RNF227: variants seen among roughly 807,000 people sequenced by gnomAD.
The protein encoded by RNF227 is long intergenic non-protein coding RNA 2581.
Under a neutral mutation model 4.9 loss-of-function variants are expected in RNF227, and 8 were observed. That is an observed-to-expected ratio of 1.65 (90% CI 0.97 to 2.98). The LOEUF (loss-of-function observed/expected upper bound fraction) is 2.98, where lower values mean the gene tolerates loss of function less well. Among genes scored for constraint, RNF227 ranks in the 30% most tolerant of loss-of-function variants. The pLI is 0.00. For synonymous variants in RNF227, 63 were observed against 28.1 expected (o/e 2.25, Z -3.94); for missense variants, 136 against 65.4 (o/e 2.08, Z -3.72).
rs2151710191 is a variant in RNF227, at chr17:7,916,025, C to T, written c.171G>A (p.Ala57=). 2.9e-6 allele frequency: 1 copy of T among 349,178 alleles called. No homozygotes were observed. The highest frequency in any genetic ancestry group is 4.3e-5 in the East Asian group (1 of 23,428). The allele number at this position is 349,178 out of a possible 1,614,324, so 21.6% of individuals were successfully genotyped here. A position where few individuals can be genotyped will look rare whatever the true frequency, so the allele number is the denominator to read the frequency against. ...CGGCCGCCCCGCCGCCGTCCCCGCG[C>T]GCCGCCAGCTCGCGGAGGCAGGCGG... ...ICTACLRELA[A]RGDGGGAAAR... The change falls in exon 1 of 2, where the codon GCG becomes GCA. Residue 57 remains alanine (A), a synonymous_variant. Coordinates refer to ENST00000324348, the MANE Select transcript of RNF227 (RefSeq NM_001358699.2).
At position 7,916,049 on chromosome 17, in the gene RNF227, G is replaced by T; in HGVS notation, c.147C>A (p.Thr49=). ...GCGCCGCCAGCTCGCGGAGGCAGGC[G>T]GTGCAGATCGTGTGGCCGCAGCGGG... ...ARARCGHTIC[T]ACLRELAARG... The change falls in exon 1 of 2, where the codon ACC becomes ACA. Residue 49 remains threonine, a synonymous_variant. Transcript: ENST00000324348. 2.7e-6 allele frequency: 1 copy of T among 366,504 alleles called. No individual in the cohort carries two copies. Among genetic ancestry groups the T allele is most frequent in the Non-Finnish European group, 4.9e-6 (1 of 205,796 alleles). The allele number at this position is 366,504 out of a possible 1,614,324, so 22.7% of individuals were successfully genotyped here. A position where few individuals can be genotyped will look rare whatever the true frequency, so the allele number is the denominator to read the frequency against.
In RNF227 at chr17:7,915,832, T is replaced by C. The variant is rs977192776; in HGVS notation, c.364A>G (p.Lys122Glu). The C allele has an allele frequency of 1.0e-5, 7 of 702,652 alleles. No homozygotes were observed. The African/African-American group carries it at 1.2e-4, about 12-fold the overall frequency. The allele number at this position is 702,652 out of a possible 1,614,324, so 43.5% of individuals were successfully genotyped here. The change falls in exon 1 of 2, where the codon AAG becomes GAG. Residue 122 changes from lysine to glutamate, a missense_variant. Coordinates refer to ENST00000324348, the MANE Select transcript of RNF227 (RefSeq NM_001358699.2). ...TCTCCGTCAGCGTCGCTGCTTTCCT[T>C]GGCCGGGTTCCCAGCCTCATCTCGT... Reference protein sequence around the residue: ...CERDEAGNPAKESSDADGEAE... With the variant: ...CERDEAGNPAEESSDADGEAE...
Position 7,916,125 on chromosome 17 carries a change from G to A in RNF227, c.71C>T (p.Pro24Leu). ...GGGCGCGCGGCACCCGAGGTTGAAA[G>A]GACGGTAGCAGATGTTGCAGTCCAG... ...GELDCNICYRPFNLGCRAPRR... is the reference protein window; with the variant it reads ...GELDCNICYRLFNLGCRAPRR... The change falls in exon 1 of 2, where the codon CCT (proline) becomes CTT (leucine). Residue 24 changes from proline to leucine, a missense_variant. Transcript: ENST00000324348. The A allele has an allele frequency of 2.5e-6, 1 of 396,724 alleles. No homozygotes were observed. The highest frequency in any genetic ancestry group is 4.4e-6 in the Non-Finnish European group (1 of 224,930). The allele number at this position is 396,724 out of a possible 1,614,324, so 24.6% of individuals were successfully genotyped here. A position where few individuals can be genotyped will look rare whatever the true frequency, so the allele number is the denominator to read the frequency against.
rs1327233470 is a variant in RNF227, at chr17:7,915,836, C to T, written c.360G>A (p.Pro120=). The T allele has an allele frequency of 1.4e-6, 1 of 702,776 alleles. No individual in the cohort carries two copies. Among genetic ancestry groups the T allele is most frequent in the East Asian group, 2.7e-5 (1 of 37,266 alleles). 43.5% of individuals were successfully genotyped at this position (702,776 alleles called of 1,614,324 possible). A position where few individuals can be genotyped will look rare whatever the true frequency, so the allele number is the denominator to read the frequency against. ...AKCERDEAGN[P]AKESSDADGE... The stretch of plus-strand genomic sequence containing the variant: ...CGTCAGCGTCGCTGCTTTCCTTGGC[C>T]GGGTTCCCAGCCTCATCTCGTTCGC... The change falls in exon 1 of 2, where the codon CCG becomes CCA. Residue 120 remains proline, a synonymous_variant. Coordinates refer to ENST00000324348, the MANE Select transcript of RNF227 (RefSeq NM_001358699.2).
At position 7,915,494 on chromosome 17, in the gene RNF227, C is replaced by T; in HGVS notation, c.*28G>A. On this transcript the variant is annotated 3_prime_UTR_variant, in exon 2 of 2. Coordinates refer to ENST00000324348, the MANE Select transcript of RNF227 (RefSeq NM_001358699.2). ...CCGCGAGGCTGCAGCTCCCACCTTCCTTCGGCTGTAGCTTCCGAGTTCCTC... is the reference window on the plus strand; with the variant it reads ...CCGCGAGGCTGCAGCTCCCACCTTCTTTCGGCTGTAGCTTCCGAGTTCCTC... 1.4e-6 allele frequency: 1 copy of T among 703,052 alleles called. No homozygotes were observed. The highest frequency in any genetic ancestry group is 2.6e-6 in the Non-Finnish European group (1 of 385,016). The allele number at this position is 703,052 out of a possible 1,614,324, so 43.6% of individuals were successfully genotyped here.
Position 7,915,710 on chromosome 17 carries a change from C to T in RNF227, c.486G>A (p.Ala162=), listed in dbSNP as rs1013690951. The change falls in exon 1 of 2, where the codon GCG becomes GCA. Residue 162 remains alanine, a synonymous_variant. Coordinates refer to ENST00000324348, the MANE Select transcript of RNF227 (RefSeq NM_001358699.2). ...RRLWDRVLGP[A]RRWRRPLPSN... is the part of the protein sequence containing the mutation. The stretch of plus-strand genomic sequence containing the variant: ...TAGGCAGCGGACGCCGCCAGCGCCG[C>T]GCAGGCCCCAGGACCCTGTCCCAGA... 3 of 701,650 alleles carry T rather than the reference C, an allele frequency of 4.3e-6. No individual in the cohort carries two copies. The highest frequency in any genetic ancestry group is 7.8e-6 in the Non-Finnish European group (3 of 384,226). 43.5% of individuals were successfully genotyped at this position (701,650 alleles called of 1,614,324 possible).
chr17:7,913,757 T>TA lies in RNF227; in HGVS notation c.*1764dup, dbSNP rs1442617922. 1.3e-5 allele frequency: 2 copies of TA among 152,242 alleles called. No individual in the cohort carries two copies. The highest frequency in any genetic ancestry group is 2.9e-5 in the Non-Finnish European group (2 of 68,038). 9.4% of individuals were successfully genotyped at this position (152,242 alleles called of 1,614,324 possible). Reference sequence around the variant, plus strand: ...ACATTTTTAACTAAGAGAAAAATGTTACATAGTAGGTTAGGATTTCTTTAG... The same window carrying TA: ...ACATTTTTAACTAAGAGAAAAATGTTAACATAGTAGGTTAGGATTTCTTTAG... On this transcript the variant is annotated 3_prime_UTR_variant, in exon 2 of 2. Transcript: ENST00000324348.
intron 1 of RNF227, 23 bp downstream of exon 1, chr17:7,915,656 A>C: frequency 2.8e-6 from 2 of 702,414 alleles, no homozygotes; most frequent in East Asian, 2.7e-5. Flanking sequence ...TCTCCCCTGC[A>C]TCCTCCCCGG....
In RNF227 at chr17:7,914,694, A is replaced by T. The variant is rs1447085565; in HGVS notation, c.*828T>A. 2.0e-5 allele frequency: 3 copies of T among 152,316 alleles called. No homozygotes were observed. In the East Asian group the frequency reaches 5.8e-4, roughly 29 times the overall value. 9.4% of individuals were successfully genotyped at this position (152,316 alleles called of 1,614,324 possible). ...TGACTTTATGGTCATAAGATACAGG[A>T]TTCTAAAATAGAATACATGGCATAT... On this transcript the variant is annotated 3_prime_UTR_variant, in exon 2 of 2. Coordinates refer to ENST00000324348, the MANE Select transcript of RNF227 (RefSeq NM_001358699.2).
In RNF227 at chr17:7,915,660, T is replaced by C. The variant is rs1446219231; in HGVS notation, c.517+19A>G. 1 of 701,858 alleles carries C rather than the reference T, an allele frequency of 1.4e-6. No homozygotes were observed. The highest frequency in any genetic ancestry group is 2.6e-6 in the Non-Finnish European group (1 of 384,186). The allele number at this position is 701,858 out of a possible 1,614,324, so 43.5% of individuals were successfully genotyped here. Reference sequence around the variant, plus strand: ...CCTCGGCGCTCTCTCCCCTGCATCCTCCCCGGGCAGCCCCTCACCGTTGCT... The same window carrying C: ...CCTCGGCGCTCTCTCCCCTGCATCCCCCCCGGGCAGCCCCTCACCGTTGCT... On this transcript the variant is annotated intron_variant, in intron 1 of 1. Transcript: ENST00000324348.
rs1391840612 is a variant in RNF227 at position 7,915,759 on chromosome 17, G to A, written c.437C>T (p.Ala146Val). The change falls in exon 1 of 2, where the codon GCT becomes GTT. Residue 146 changes from alanine (A) to valine (V), a missense_variant. Ala to Val is a moderately conservative substitution (Grantham distance 64). Coordinates refer to ENST00000324348, the MANE Select transcript of RNF227 (RefSeq NM_001358699.2). The stretch of plus-strand genomic sequence containing the variant: ...GAGCCGCCGGAGCGCGCGCCACCCA[G>A]CACTCCTAGGCCCCGCCCCCTTCTC... ...ESEKGAGPRS[A>V]GWRALRRLWD... 2 of 702,678 alleles carry A rather than the reference G, an allele frequency of 2.8e-6. No homozygotes were observed. The highest frequency in any genetic ancestry group is 1.5e-5 in the South Asian group (1 of 67,596). The allele number at this position is 702,678 out of a possible 1,614,324, so 43.5% of individuals were successfully genotyped here.
rs1971969908 is a variant in RNF227, at chr17:7,916,187, G to C, written c.9C>G (p.Leu3=). 2 of 394,622 alleles carry C rather than the reference G, an allele frequency of 5.1e-6. No individual in the cohort carries two copies. Among genetic ancestry groups the C allele is most frequent in the African/African-American group, 4.1e-5 (2 of 48,456 alleles). The allele number at this position is 394,622 out of a possible 1,614,324, so 24.4% of individuals were successfully genotyped here. A position where few individuals can be genotyped will look rare whatever the true frequency, so the allele number is the denominator to read the frequency against. ...CCGGAAGAGAGGGTACCCTCACCAA[G>C]AGCTGCATCGTGCCCGCCGCGGACT... MQ[L]LVRVPSLPER... is the part of the protein sequence containing the mutation. The change falls in exon 1 of 2, where the codon CTC becomes CTG. Residue 3 remains leucine (L), a synonymous_variant. Coordinates refer to ENST00000324348, the MANE Select transcript of RNF227 (RefSeq NM_001358699.2).
In RNF227 at chr17:7,915,207, C is replaced by A; in HGVS notation, c.*315G>T. The A allele has an allele frequency of 2.0e-6, 1 of 487,996 alleles. No individual in the cohort carries two copies. The highest frequency in any genetic ancestry group is 3.8e-6 in the Non-Finnish European group (1 of 265,642). The allele number at this position is 487,996 out of a possible 1,614,324, so 30.2% of individuals were successfully genotyped here. On this transcript the variant is annotated 3_prime_UTR_variant, in exon 2 of 2. Coordinates refer to ENST00000324348, the MANE Select transcript of RNF227 (RefSeq NM_001358699.2). ...CTGTTGCTCCCACACACCAGAGCCA[C>A]CCTGGACAAAAGCCAACGTCCCAGC...
In RNF227 at chr17:7,916,062, T is replaced by G; in HGVS notation, c.134A>C (p.His45Pro). ...GCGGAGGCAGGCGGTGCAGATCGTG[T>G]GGCCGCAGCGGGCGCGCGCCGTTCC... ...LPGTARARCG[H>P]TICTACLREL... The change falls in exon 1 of 2, where the codon CAC becomes CCC. Residue 45 changes from histidine (H) to proline (P), a missense_variant. Transcript: ENST00000324348. 1 of 374,522 alleles carries G rather than the reference T, an allele frequency of 2.7e-6. No individual in the cohort carries two copies. Among genetic ancestry groups the G allele is most frequent in the Non-Finnish European group, 4.7e-6 (1 of 211,372 alleles). The allele number at this position is 374,522 out of a possible 1,614,324, so 23.2% of individuals were successfully genotyped here. A position where few individuals can be genotyped will look rare whatever the true frequency, so the allele number is the denominator to read the frequency against.
At position 7,913,611 on chromosome 17, in the gene RNF227, T is replaced by C. The variant is rs1341196344; in HGVS notation, c.*1911A>G. ...ATGTAAGGACAGGAAAATGCCAAAATAGGGTTACAAAAATTGAGGTTTATA... is the reference window on the plus strand; with the variant it reads ...ATGTAAGGACAGGAAAATGCCAAAACAGGGTTACAAAAATTGAGGTTTATA... On this transcript the variant is annotated 3_prime_UTR_variant, in exon 2 of 2. Coordinates refer to ENST00000324348, the MANE Select transcript of RNF227 (RefSeq NM_001358699.2). 6.6e-6 allele frequency: 1 copy of C among 152,154 alleles called. No individual in the cohort carries two copies. The highest frequency in any genetic ancestry group is 2.4e-5 in the African/African-American group (1 of 41,438). The allele number at this position is 152,154 out of a possible 1,614,324, so 9.4% of individuals were successfully genotyped here.
At position 7,916,200 on chromosome 17, in the gene RNF227, C is replaced by T. The variant is rs566637060; in HGVS notation, c.-5G>A. 1.0e-5 allele frequency: 4 copies of T among 392,336 alleles called. No homozygotes were observed. Among genetic ancestry groups the T allele is most frequent in the South Asian group, 1.3e-4 (1 of 7,798 alleles). 24.3% of individuals were successfully genotyped at this position (392,336 alleles called of 1,614,324 possible). On this transcript the variant is annotated 5_prime_UTR_variant, in exon 1 of 2. Transcript: ENST00000324348. ...TACCCTCACCAAGAGCTGCATCGTG[C>T]CCGCCGCGGACTCGAGGACGTCGCT...
At position 7,915,529 on chromosome 17, in the gene RNF227, G is replaced by A. The variant is rs2151709854; in HGVS notation, c.566C>T (p.Thr189Met). ...AGCTTCCGAGTTCCTCGGTTACAACGTGCAACGGGTCAGGTGGCCAATGTC... is the reference window on the plus strand; with the variant it reads ...AGCTTCCGAGTTCCTCGGTTACAACATGCAACGGGTCAGGTGGCCAATGTC... ...IKDIGHLTRC[T>M]L is the part of the protein sequence containing the mutation. Residue 189 changes from threonine (T) to methionine (M), a missense_variant, in exon 2 of 2, where the codon ACG becomes ATG. Physicochemically the swap from Thr to Met is moderately conservative, Grantham distance 81. Transcript: ENST00000324348. 1 of 703,088 alleles carries A rather than the reference G, an allele frequency of 1.4e-6. No homozygotes were observed. Among genetic ancestry groups the A allele is most frequent in the South Asian group, 1.5e-5 (1 of 67,602 alleles). 43.6% of individuals were successfully genotyped at this position (703,088 alleles called of 1,614,324 possible). A position where few individuals can be genotyped will look rare whatever the true frequency, so the allele number is the denominator to read the frequency against.
Position 7,915,462 on chromosome 17 carries a change from T to G in RNF227, c.*60A>C. 2 of 702,730 alleles carry G rather than the reference T, an allele frequency of 2.8e-6. No individual in the cohort carries two copies. Among genetic ancestry groups the G allele is most frequent in the Non-Finnish European group, 5.2e-6 (2 of 384,966 alleles). 43.5% of individuals were successfully genotyped at this position (702,730 alleles called of 1,614,324 possible). ...GATCTGAGAGAGAGTAGTCTTGACA[T>G]CAGCCCCCGCGAGGCTGCAGCTCCC... On this transcript the variant is annotated 3_prime_UTR_variant, in exon 2 of 2. Transcript: ENST00000324348.
rs979000302 is a variant in RNF227, at chr17:7,914,292, C to T, written c.*1230G>A. The T allele has an allele frequency of 3.9e-5, 6 of 151,930 alleles. No individual in the cohort carries two copies. Among genetic ancestry groups the T allele is most frequent in the Non-Finnish European group, 8.8e-5 (6 of 68,004 alleles). The allele number at this position is 151,930 out of a possible 1,614,324, so 9.4% of individuals were successfully genotyped here. A position where few individuals can be genotyped will look rare whatever the true frequency, so the allele number is the denominator to read the frequency against. On this transcript the variant is annotated 3_prime_UTR_variant, in exon 2 of 2. Transcript: ENST00000324348. The stretch of plus-strand genomic sequence containing the variant: ...CGGCGCGGTGGCTCACTCCTATAAT[C>T]CCAGCACTTTGGGAGGCCAAGGTGG...
Sources: gnomAD v4.1 joint callset for allele counts on GRCh38, gnomAD v4.1.1 for gene constraint, MANE v1.5 for transcripts, NCBI Gene and HGNC (gene_info 2026-07-23, HGNC 2026-07-21) for gene names.